The following FPR3 variants were observed in gnomAD, a reference collection of about 807,000 sequenced individuals.
FPR3 encodes formyl peptide receptor 3, also known as N-formyl peptide receptor 3.
For synonymous variants in FPR3, 135 were observed against 163.6 expected, an observed-to-expected ratio of 0.83 and a Z score of 1.34; for missense variants, 346 against 443.2, an observed-to-expected ratio of 0.78 and a Z score of 1.97.
At chr19:51,807,479 C>T (rs575204546) in intron 1 of FPR3, among the ~76,000 whole-genome samples, 1,705 of 152,220 alleles carry the variant, frequency 0.011, 95 homozygotes, top group Admixed American at 0.1. Context: ...GCCTTCGGGT[C>T]CCTGCAGTTG....
intron 1 of FPR3, among the ~76,000 whole-genome samples, chr19:51,810,220 A>G (rs1458962604): frequency 6.6e-6 from 1 of 152,254 alleles, no homozygotes; most frequent in Non-Finnish European, 1.5e-5. Context: ...GATGAAGCTC[A>G]GTTCCTACAT....
At chr19:51,797,996 C>G (rs1049161957) in intron 1 of FPR3, among the ~76,000 whole-genome samples, 1 of 149,190 alleles carries the variant, frequency 6.7e-6, no homozygotes, top group Non-Finnish European at 1.5e-5. Flanking sequence ...ATTCCCCCAC[C>G]TCAGCCTCCA....
At chr19:51,807,906 A>C (rs2084070925) in intron 1 of FPR3, among the ~76,000 whole-genome samples, 1 of 152,238 alleles carries the variant, frequency 6.6e-6, no homozygotes, top group African/African-American at 2.4e-5. Context: ...AATTAAAGAA[A>C]GATAAACTTG....
At chr19:51,818,303 T>G (rs184056919) in intron 1 of FPR3, among the ~76,000 whole-genome samples, 83 of 152,324 alleles carry the variant, frequency 5.4e-4, no homozygotes, top group African/African-American at 1.8e-3. Flanking sequence ...AAATATATTA[T>G]TGGTGTTAAT....
chr19:51,803,336 C>T (rs2084037140), intron 1 of FPR3, among the ~76,000 whole-genome samples: 1 of 152,090 alleles, frequency 6.6e-6, no homozygotes, highest in African/African-American at 2.4e-5. Flanking sequence ...TAAATAAACT[C>T]ATAACTCAGC....
At chr19:51,819,495 T>C (rs1172827171) in intron 1 of FPR3, among the ~76,000 whole-genome samples, 1 of 128,496 alleles carries the variant, frequency 7.8e-6, no homozygotes, top group East Asian at 2.5e-4. Flanking sequence ...TCTTATGATA[T>C]GGAAAAAAAA....
At chr19:51,819,142 A>C (rs919736050) in intron 1 of FPR3, among the ~76,000 whole-genome samples, 1 of 152,150 alleles carries the variant, frequency 6.6e-6, no homozygotes, top group African/African-American at 2.4e-5. Context: ...GAATATTTAA[A>C]CTCCAAATAG....
At position 51,824,955 on chromosome 19, in the gene FPR3, T is replaced by G; in HGVS notation, c.*145T>G. On this transcript the variant is annotated 3_prime_UTR_variant, in exon 2 of 2. Coordinates refer to ENST00000339223, the MANE Select transcript of FPR3 (RefSeq NM_002030.5). The surrounding 1 kb of genome is among the most constrained non-coding windows in gnomAD (Gnocchi z 4.7). ...AAGTCTGTACCAAATCTGTAGGGGG[T>G]TTTTCCCACAACCAAGCAATAGACA... 1 of 681,416 alleles carries G rather than the reference T, an allele frequency of 1.5e-6. No individual in the cohort carries two copies. Among genetic ancestry groups the G allele is most frequent in the Non-Finnish European group, 2.5e-6 (1 of 400,086 alleles). 42.2% of individuals were successfully genotyped at this position (681,416 alleles called of 1,614,324 possible).
intron 1 of FPR3, among the ~76,000 whole-genome samples, chr19:51,808,492 G>C (rs569878607): frequency 2.6e-5 from 4 of 152,158 alleles, no homozygotes; most frequent in African/African-American, 9.7e-5. Flanking sequence ...AACATATTCC[G>C]AGGCTTCTTT....
At chr19:51,812,957 C>T (rs1277457691) in intron 1 of FPR3, among the ~76,000 whole-genome samples, 2 of 151,872 alleles carry the variant, frequency 1.3e-5, no homozygotes, top group African/African-American at 4.8e-5. Context: ...TCTGTCTCTA[C>T]CCAAAAATAC....
rs533853831 is a variant in FPR3 at position 51,799,864 on chromosome 19, C to T, written c.-11+4533C>T. Among the ~76,000 whole-genome samples, 9 of 152,340 alleles carry T rather than the reference C, an allele frequency of 5.9e-5. No homozygotes were observed. The East Asian group carries it at 9.7e-4, about 16-fold the overall frequency. On this transcript the variant is annotated intron_variant, in intron 1 of 1. Transcript: ENST00000339223. ...GTGACCTAGGGCCTCGGTAGTGGTC[C>T]GGCCTGTATTGGCTCTAAGTAGCAA...
chr19:51,818,135 C>T (rs978164924), intron 1 of FPR3, among the ~76,000 whole-genome samples: 2 of 152,110 alleles, frequency 1.3e-5, no homozygotes, highest in African/African-American at 2.4e-5. Flanking sequence ...TGAGTGCTTG[C>T]TATTTTTCTC....
intron 1 of FPR3, among the ~76,000 whole-genome samples, chr19:51,814,464 C>T (rs1436652919): frequency 6.7e-6 from 1 of 150,358 alleles, no homozygotes; most frequent in East Asian, 1.9e-4. Context: ...ATGCATCTGC[C>T]TCACCTCTCA....
In FPR3 at chr19:51,824,135, T is replaced by A; in HGVS notation, c.387T>A (p.His129Gln). 6.2e-7 allele frequency: 1 copy of A among 1,613,968 alleles called. No homozygotes were observed. The change falls in exon 2 of 2, where the codon CAT becomes CAA. Residue 129 changes from histidine to glutamine, a missense_variant. By Grantham distance (24) the His-to-Gln change is conservative. Coordinates refer to ENST00000339223, the MANE Select transcript of FPR3 (RefSeq NM_002030.5). This position sits in a 1 kb window ranked among gnomAD's most constrained non-coding sequence, Gnocchi z 4.7. ...IALDRCICVL[H>Q]PAWAQNHRTM... ...TGGACCGCTGTATTTGTGTCCTGCA[T>A]CCAGCCTGGGCCCAGAACCATCGCA...
intron 1 of FPR3, among the ~76,000 whole-genome samples, chr19:51,797,304 A>T (rs1218955770): frequency 6.9e-6 from 1 of 145,176 alleles, no homozygotes; most frequent in Non-Finnish European, 1.6e-5. Flanking sequence ...AATTAGAGAC[A>T]TTCTCTTTGG....
chr19:51,816,491 ACCAG>A (rs2084138093), intron 1 of FPR3, among the ~76,000 whole-genome samples: 1 of 152,202 alleles, frequency 6.6e-6, no homozygotes, highest in Non-Finnish European at 1.5e-5. Context: ...CAAGTGATCC[ACCAG>A]CCTCAGACTC....
In FPR3 at chr19:51,813,160, A is replaced by C. The variant is rs368947956; in HGVS notation, c.-10-10579A>C. 1.3e-3 allele frequency among the ~76,000 whole-genome samples: 194 copies of C among 147,362 alleles called. 2 individuals carry two copies. The highest frequency in any genetic ancestry group is 8.2e-3 in the South Asian group (38 of 4,630). ...CACACACACACACACACACACACAC[A>C]CCCCATAAATTTATTGATCACAGTT... On this transcript the variant is annotated intron_variant, in intron 1 of 1. Transcript: ENST00000339223.
At chr19:51,812,614 A>G (rs1441059738) in intron 1 of FPR3, among the ~76,000 whole-genome samples, 4 of 152,172 alleles carry the variant, frequency 2.6e-5, no homozygotes, top group African/African-American at 9.7e-5. Flanking sequence ...CAGGCTACCT[A>G]GGGGTACCCT....
At chr19:51,813,632 G>A (rs935964234) in intron 1 of FPR3, among the ~76,000 whole-genome samples, 4 of 151,900 alleles carry the variant, frequency 2.6e-5, no homozygotes, top group East Asian at 1.9e-4. Context: ...CCGGGTTCAC[G>A]CCATTTTCCC....
Sources: allele counts gnomAD v4.1 joint callset (sites outside exome capture counted in the v4.1 genomes callset), GRCh38; gene constraint gnomAD v4.1.1; non-coding constraint Gnocchi (gnomAD v3.1); transcripts MANE v1.5; gene names NCBI Gene and HGNC (gene_info 2026-07-23, HGNC 2026-07-21).